Variants in CENPW observed in about 807,000 individuals in gnomAD.
CENPW encodes centromere protein W.
A neutral mutation model predicts 11.1 loss-of-function variants in CENPW; 3 were observed. The observed-to-expected ratio is 0.27, with a 90% CI of 0.12 to 0.70. The LOEUF is 0.70. CENPW is among the 30% of genes least tolerant of loss of function. The pLI is 0.77. For synonymous variants in CENPW, 38 were observed against 42.0 expected (o/e 0.91, Z 0.37); for missense variants, 100 against 105.6 (o/e 0.95, Z 0.23).
intron 1 of CENPW, 55 bp from the exon 2 acceptor site, chr6:126,346,150 T>C: frequency 2.3e-6 from 2 of 885,526 alleles, no homozygotes; most frequent in South Asian, 1.8e-5. Flanking sequence ...AAAAATATTA[T>C]TTCAATGCAT....
At chr6:126,458,341 G>T in the CENPW span, among the ~76,000 whole-genome samples, 1 of 151,182 alleles carries the variant, frequency 6.6e-6, no homozygotes, top group Non-Finnish European at 1.5e-5. Flanking sequence ...CAGTCAAACT[G>T]CTCTCTCACT....
downstream of CENPW, among the ~76,000 whole-genome samples, chr6:126,353,861 C>A (rs554146304): frequency 3.3e-5 from 5 of 152,048 alleles, no homozygotes; most frequent in South Asian, 1.0e-3. Context: ...TTCATCTGCT[C>A]TCAAACATCT....
At chr6:126,454,388 A>C in the CENPW span, among the ~76,000 whole-genome samples, 1 of 151,476 alleles carries the variant, frequency 6.6e-6, no homozygotes, top group Non-Finnish European at 1.5e-5. Context: ...ACCACAGCTT[A>C]ATAAAAATAG....
At chr6:126,383,308 C>T in the CENPW span, among the ~76,000 whole-genome samples, 1 of 152,128 alleles carries the variant, frequency 6.6e-6, no homozygotes, top group African/African-American at 2.4e-5. Context: ...CACTACCAGC[C>T]ACTACAAAAA....
At chr6:126,390,394 AC>A in the CENPW span, among the ~76,000 whole-genome samples, 1 of 151,938 alleles carries the variant, frequency 6.6e-6, no homozygotes, top group East Asian at 1.9e-4. Flanking sequence ...TGATACAGGC[AC>A]CCAATGCACA....
the CENPW span, among the ~76,000 whole-genome samples, chr6:126,386,161 T>A: frequency 6.6e-6 from 1 of 152,098 alleles, no homozygotes; most frequent in African/African-American, 2.4e-5. Flanking sequence ...ACGATCTAAT[T>A]AATTTTCACT....
At chr6:126,384,606 A>G in the CENPW span, among the ~76,000 whole-genome samples, 2 of 152,116 alleles carry the variant, frequency 1.3e-5, no homozygotes, top group East Asian at 1.9e-4. Flanking sequence ...CCTTTGTTAC[A>G]CTATACAAAA....
chr6:126,356,126 T>G, the CENPW span, among the ~76,000 whole-genome samples: 26 of 152,294 alleles, frequency 1.7e-4, 2 homozygotes, highest in East Asian at 5.0e-3. Flanking sequence ...AGAAATGGTT[T>G]CTAACACCTC....
At chr6:126,449,082 T>G in the CENPW span, among the ~76,000 whole-genome samples, 1 of 151,056 alleles carries the variant, frequency 6.6e-6, no homozygotes, top group Non-Finnish European at 1.5e-5. Context: ...ATACAAATAT[T>G]TACTTCACAA....
At chr6:126,417,351 G>A in the CENPW span, among the ~76,000 whole-genome samples, 1 of 152,170 alleles carries the variant, frequency 6.6e-6, no homozygotes, top group Non-Finnish European at 1.5e-5. Context: ...ATGAGACTTT[G>A]ACTGTGGACT....
chr6:126,451,665 C>T, the CENPW span, among the ~76,000 whole-genome samples: 1 of 151,054 alleles, frequency 6.6e-6, no homozygotes. Context: ...GGCATGACCT[C>T]CAAGATGGTG....
chr6:126,346,361 A>T lies in CENPW; in HGVS notation c.240+43A>T, dbSNP rs779438948. On this transcript the variant is annotated intron_variant, in intron 2 of 2. Transcript: ENST00000368328. Reference sequence around the variant, plus strand: ...TTTCTCGAGCAAGAATTAAACTTCAAAAATAACACTCGGTTCATCACCTCT... The same window carrying T: ...TTTCTCGAGCAAGAATTAAACTTCATAAATAACACTCGGTTCATCACCTCT... 6 of 1,214,900 alleles carry T rather than the reference A, an allele frequency of 4.9e-6. No individual in the cohort carries two copies. In the African/African-American group the frequency reaches 7.4e-5, roughly 15 times the overall value. 75.3% of individuals were successfully genotyped at this position (1,214,900 alleles called of 1,614,324 possible).
chr6:126,424,245 A>T, the CENPW span, among the ~76,000 whole-genome samples: 8 of 152,112 alleles, frequency 5.3e-5, no homozygotes, highest in Non-Finnish European at 1.0e-4. Flanking sequence ...ACACACAGAG[A>T]AACTGAATTC....
chr6:126,411,130 T>G, the CENPW span, among the ~76,000 whole-genome samples: 22 of 152,140 alleles, frequency 1.4e-4, no homozygotes, highest in Admixed American at 1.1e-3. Context: ...TAGAGTGGCT[T>G]TCATAGAGAA....
chr6:126,350,034 G>T (rs575333503), downstream of CENPW, among the ~76,000 whole-genome samples: 1,090 of 152,004 alleles, frequency 7.2e-3, 13 homozygotes, highest in African/African-American at 0.025. Context: ...GTTGGCTCAG[G>T]TTTAATTTTT....
At chr6:126,409,003 T>G in the CENPW span, among the ~76,000 whole-genome samples, 1 of 152,070 alleles carries the variant, frequency 6.6e-6, no homozygotes, top group African/African-American at 2.4e-5. Context: ...GGGCTTTGGC[T>G]TGTTTTTGCT....
chr6:126,415,258 T>C, the CENPW span, among the ~76,000 whole-genome samples: 34 of 152,278 alleles, frequency 2.2e-4, no homozygotes, highest in African/African-American at 8.2e-4. Flanking sequence ...TTGTTGTATA[T>C]ATATTTCCAC....
In CENPW at chr6:126,340,149, A is replaced by G. The variant is rs367748361; in HGVS notation, c.-125A>G. The G allele has an allele frequency of 3.2e-4, 279 of 879,872 alleles. 3 individuals carry two copies. In the African/African-American group the frequency reaches 4.2e-3, roughly 13 times the overall value. 54.5% of individuals were successfully genotyped at this position (879,872 alleles called of 1,614,324 possible). A position where few individuals can be genotyped will look rare whatever the true frequency, so the allele number is the denominator to read the frequency against. On this transcript the variant is annotated 5_prime_UTR_variant, in exon 1 of 3. Transcript: ENST00000368328. ...GCGGCGGATTCGAACGTTCGGACTGAGGTTTTTCTGCCTGAAGAAGCGTCA... is the reference window on the plus strand; with the variant it reads ...GCGGCGGATTCGAACGTTCGGACTGGGGTTTTTCTGCCTGAAGAAGCGTCA...
the CENPW span, among the ~76,000 whole-genome samples, chr6:126,468,960 G>A: frequency 5.9e-5 from 9 of 151,928 alleles, no homozygotes; most frequent in Non-Finnish European, 1.2e-4. Flanking sequence ...ACACCACCAC[G>A]CCTGGCTAAT....
Sources: gnomAD v4.1 joint callset for allele counts (sites outside exome capture counted in the v4.1 genomes callset) on GRCh38, gnomAD v4.1.1 for gene constraint, MANE v1.5 for transcripts, NCBI Gene and HGNC (gene_info 2026-07-23, HGNC 2026-07-21) for gene names.